OXNAD1: variants seen among roughly 807,000 people sequenced by gnomAD.
The protein encoded by OXNAD1 is oxidoreductase NAD binding domain containing 1, also known as oxidoreductase NAD-binding domain-containing protein 1.
A neutral mutation model predicts 32.9 loss-of-function variants in OXNAD1; 34 were observed. The observed-to-expected ratio is 1.03, with a 90% CI of 0.79 to 1.38. The LOEUF (loss-of-function observed/expected upper bound fraction) is 1.38, where lower values mean the gene tolerates loss of function less well. Among genes scored for constraint, OXNAD1 ranks in the 40% most tolerant of loss-of-function variants. The pLI is 0.00. For synonymous variants in OXNAD1, 134 were observed against 135.2 expected (o/e 0.99, Z 0.06); for missense variants, 407 against 379.4 (o/e 1.07, Z -0.60).
Position 16,302,000 on chromosome 3 carries a change from A to G in OXNAD1, c.675+132A>G. 4 of 1,138,248 alleles carry G rather than the reference A, an allele frequency of 3.5e-6. No homozygotes were observed. Among genetic ancestry groups the G allele is most frequent in the Non-Finnish European group, 4.9e-6 (4 of 818,414 alleles). 70.5% of individuals were successfully genotyped at this position (1,138,248 alleles called of 1,614,324 possible). ...GCTTGGCAAGATTTAATCATGCTTA[A>G]ATGAGAACTAACCAACACACCTTAC... On this transcript the variant is annotated intron_variant, in intron 7 of 8. Transcript: ENST00000285083. The surrounding 1 kb of genome is among the most constrained non-coding windows in gnomAD (Gnocchi z 4.1).
intron 4 of OXNAD1, among the ~76,000 whole-genome samples, chr3:16,278,222 A>G (rs6792868): frequency 0.23 from 35,174 of 152,040 alleles, 5,549 homozygotes; most frequent in African/African-American, 0.46. Flanking sequence ...TTTTAATGGG[A>G]CTCTGATCAG....
At chr3:16,341,052 T>C (rs1181357295), downstream of OXNAD1, among the ~76,000 whole-genome samples, 1 of 152,138 alleles carries the variant, frequency 6.6e-6, no homozygotes, top group African/African-American at 2.4e-5. This position sits in a 1 kb window ranked among gnomAD's most constrained non-coding sequence, Gnocchi z 4.7. Flanking sequence ...AATAAGCATA[T>C]AAAAAGATGC....
chr3:16,327,310 A>G lies in OXNAD1; in HGVS notation c.*31-9802A>G, dbSNP rs2069805286. Among the ~76,000 whole-genome samples the G allele has an allele frequency of 6.6e-6, 1 of 152,218 alleles. No individual in the cohort carries two copies. Among genetic ancestry groups the G allele is most frequent in the African/African-American group, 2.4e-5 (1 of 41,448 alleles). ...ACAAATGATCAAGTCGTTTATGTCC[A>G]GCCACAGCAACACACACATGCACAT... is the stretch of plus-strand genomic sequence containing the variant. On this transcript the variant is annotated intron_variant, in intron 9 of 9. Transcript: ENST00000435829. The surrounding 1 kb of genome is among the most constrained non-coding windows in gnomAD (Gnocchi z 4.2).
intron 9 of OXNAD1, among the ~76,000 whole-genome samples, chr3:16,343,502 G>A (rs77989595): frequency 2.6e-4 from 39 of 152,122 alleles, no homozygotes; most frequent in African/African-American, 8.9e-4. Flanking sequence ...GGTGTCTCCC[G>A]CATCACTGTC....
chr3:16,331,293 T>C (rs1007722043), intron 9 of OXNAD1, among the ~76,000 whole-genome samples: 3 of 152,240 alleles, frequency 2.0e-5, no homozygotes, highest in Non-Finnish European at 2.9e-5. Context: ...ATTTTACTTA[T>C]CAGTTTTAGG....
chr3:16,336,354 C>G lies in OXNAD1; in HGVS notation c.*31-758C>G, dbSNP rs1477018889. ...GGGAGAACAAGCACATGGTTCCCAT[C>G]CAGTGGAGCCCATGGAGGTGAGGTG... On this transcript the variant is annotated intron_variant, in intron 9 of 9. Transcript: ENST00000435829. This position sits in a 1 kb window ranked among gnomAD's most constrained non-coding sequence, Gnocchi z 6.0. 6.6e-6 allele frequency among the ~76,000 whole-genome samples: 1 copy of G among 152,110 alleles called. No homozygotes were observed. The highest frequency in any genetic ancestry group is 1.5e-5 in the Non-Finnish European group (1 of 68,012).
chr3:16,288,315 T>A lies in OXNAD1; in HGVS notation c.290+1867T>A, dbSNP rs2066206551. On this transcript the variant is annotated intron_variant, in intron 5 of 8. Transcript: ENST00000285083. The surrounding 1 kb of genome is among the most constrained non-coding windows in gnomAD (Gnocchi z 5.1). ...GTTTGTGTAGGTAGGATTATCAGAC[T>A]GGAGAGCTGCTAGAAATCAAGGAGA... 6.6e-6 allele frequency among the ~76,000 whole-genome samples: 1 copy of A among 152,192 alleles called. No homozygotes were observed. Among genetic ancestry groups the A allele is most frequent in the African/African-American group, 2.4e-5 (1 of 41,452 alleles).
chr3:16,267,869 C>T (rs911527991), intron 1 of OXNAD1, among the ~76,000 whole-genome samples: 3 of 152,180 alleles, frequency 2.0e-5, no homozygotes. Flanking sequence ...GAACTGAAAC[C>T]ATATAATTAA....
chr3:16,278,670 C>T (rs2065524851), intron 4 of OXNAD1, among the ~76,000 whole-genome samples: 2 of 152,190 alleles, frequency 1.3e-5, no homozygotes, highest in Admixed American at 1.3e-4. Flanking sequence ...ATAAAATCAG[C>T]TTTCCTTTAT....
intron 4 of OXNAD1, among the ~76,000 whole-genome samples, chr3:16,276,823 G>A (rs1348045344): frequency 6.6e-6 from 1 of 151,928 alleles, no homozygotes; most frequent in Non-Finnish European, 1.5e-5. Flanking sequence ...GAATTTTAGT[G>A]CCCACAAGTC....
In OXNAD1 at chr3:16,304,693, G is replaced by C. The variant is rs1196133102; in HGVS notation, c.*1131G>C. The C allele has an allele frequency of 6.6e-6, 1 of 152,272 alleles. No homozygotes were observed. The highest frequency in any genetic ancestry group is 2.4e-5 in the African/African-American group (1 of 41,460). The allele number at this position is 152,272 out of a possible 1,614,324, so 9.4% of individuals were successfully genotyped here. A position where few individuals can be genotyped will look rare whatever the true frequency, so the allele number is the denominator to read the frequency against. On this transcript the variant is annotated 3_prime_UTR_variant, in exon 9 of 9. Coordinates refer to ENST00000285083, the MANE Select transcript of OXNAD1 (RefSeq NM_138381.5). This position sits in a 1 kb window ranked among gnomAD's most constrained non-coding sequence, Gnocchi z 4.6. The stretch of plus-strand genomic sequence containing the variant: ...TCCTGGGCCCAAGGTTGCCTGCATA[G>C]AGATCACAGGAGGGTGAAGGGAGCC...
At chr3:16,341,256 C>A (rs1432726794), downstream of OXNAD1, among the ~76,000 whole-genome samples, 1 of 152,210 alleles carries the variant, frequency 6.6e-6, no homozygotes, top group Admixed American at 6.5e-5. The surrounding 1 kb of genome is among the most constrained non-coding windows in gnomAD (Gnocchi z 4.7). Context: ...CAGTTTCTTA[C>A]AAAACTAGAC....
Position 16,301,582 on chromosome 3 carries a change from C to G in OXNAD1, c.433-44C>G. 1 of 1,606,770 alleles carries G rather than the reference C, an allele frequency of 6.2e-7. No homozygotes were observed. Among genetic ancestry groups the G allele is most frequent in the Non-Finnish European group, 8.5e-7 (1 of 1,175,386 alleles). Reference sequence around the variant, plus strand: ...TTAAAGTAGAACATTTGGTTTAAGACCTTTGCTACAAAAGACTAAAAGGTC... The same window carrying G: ...TTAAAGTAGAACATTTGGTTTAAGAGCTTTGCTACAAAAGACTAAAAGGTC... On this transcript the variant is annotated intron_variant, in intron 6 of 8. Transcript: ENST00000285083. The surrounding 1 kb of genome is among the most constrained non-coding windows in gnomAD (Gnocchi z 4.1).
At chr3:16,266,745 G>A (rs1269285294) in intron 1 of OXNAD1, among the ~76,000 whole-genome samples, 1 of 152,146 alleles carries the variant, frequency 6.6e-6, no homozygotes, top group African/African-American at 2.4e-5. Context: ...GTTTGACAAG[G>A]AAGAGAAGGG....
At chr3:16,324,426 C>T (rs530837673) in intron 9 of OXNAD1, among the ~76,000 whole-genome samples, 3 of 152,144 alleles carry the variant, frequency 2.0e-5, no homozygotes, top group Non-Finnish European at 4.4e-5. Flanking sequence ...CAACATCTCT[C>T]GTTTGCCCAT....
chr3:16,323,360 C>T lies in OXNAD1; in HGVS notation c.*31-13752C>T, dbSNP rs145153104. 8 of 1,578,518 alleles carry T rather than the reference C, an allele frequency of 5.1e-6. No homozygotes were observed. The East Asian group carries it at 1.8e-4, about 35-fold the overall frequency. The stretch of plus-strand genomic sequence containing the variant: ...CCTGCTGAGGAAAACCTAGGAAGGC[C>T]ATCAAAGTCTCTTACCTTCGATTCC... On this transcript the variant is annotated intron_variant, in intron 9 of 9. Transcript: ENST00000435829.
At chr3:16,295,297 G>T (rs13317414) in intron 6 of OXNAD1, among the ~76,000 whole-genome samples, 4,015 of 152,160 alleles carry the variant, frequency 0.026, 174 homozygotes, top group African/African-American at 0.091. Context: ...CATGTAAATG[G>T]TAAATCTATA....
chr3:16,335,477 T>A lies in OXNAD1; in HGVS notation c.*31-1635T>A, dbSNP rs2070753168. Among the ~76,000 whole-genome samples the A allele has an allele frequency of 6.6e-6, 1 of 152,216 alleles. No homozygotes were observed. Among genetic ancestry groups the A allele is most frequent in the Non-Finnish European group, 1.5e-5 (1 of 68,042 alleles). Reference sequence around the variant, plus strand: ...TCCTTTGTGGGGACATGGATGGAGCTGGAAGCTGTTATCCTTAGCAAACTA... The same window carrying A: ...TCCTTTGTGGGGACATGGATGGAGCAGGAAGCTGTTATCCTTAGCAAACTA... On this transcript the variant is annotated intron_variant, in intron 9 of 9. Transcript: ENST00000435829. This position sits in a 1 kb window ranked among gnomAD's most constrained non-coding sequence, Gnocchi z 4.7.
At chr3:16,326,894 G>C in intron 9 of OXNAD1, 1 of 1,597,306 alleles carries the variant, frequency 6.3e-7, no homozygotes, top group Non-Finnish European at 8.6e-7. Context: ...AACAAGGCCA[G>C]CATTAGGGCT....
Sources: gnomAD v4.1 joint callset for allele counts (sites outside exome capture counted in the v4.1 genomes callset) on GRCh38, gnomAD v4.1.1 for gene constraint, Gnocchi (gnomAD v3.1) non-coding constraint, MANE v1.5 for transcripts, NCBI Gene and HGNC (gene_info 2026-07-23, HGNC 2026-07-21) for gene names.